The following TBK1 variants were observed in gnomAD, a reference collection of about 807,000 sequenced individuals.
TBK1 encodes TANK binding kinase 1, also known as serine/threonine-protein kinase TBK1.
TBK1 carries 37 observed loss-of-function variants against 99.9 expected under a neutral mutation model. That is an observed-to-expected ratio of 0.37 (90% CI 0.28 to 0.49). TBK1 has a LOEUF of 0.49. TBK1 is among the 20% of genes least tolerant of loss of function. The pLI, the probability that TBK1 is intolerant of heterozygous loss-of-function variation, is 0.98. For synonymous variants in TBK1, 258 were observed against 279.8 expected, an observed-to-expected ratio of 0.92 and a Z score of 0.78; for missense variants, 644 against 872.5, an observed-to-expected ratio of 0.74 and a Z score of 3.30.
chr12:64,459,539 A>G (rs944272910), intron 2 of TBK1, among the ~76,000 whole-genome samples: 4 of 152,130 alleles, frequency 2.6e-5, no homozygotes, highest in African/African-American at 4.8e-5. Flanking sequence ...TCCTCTAGAG[A>G]GGGTCTGTGA....
At position 64,474,215 on chromosome 12, in the gene TBK1, T is replaced by C; in HGVS notation, c.541-15T>C. ...TCACAGGTTCATGATTTTTTTCTTT[T>C]TTTTTTAATCTTAGCACCCTGATAT... On this transcript the variant is annotated splice_polypyrimidine_tract_variant and intron_variant, in intron 5 of 20. Coordinates refer to ENST00000331710, the MANE Select transcript of TBK1 (RefSeq NM_013254.4). 6.3e-7 allele frequency: 1 copy of C among 1,592,824 alleles called. No homozygotes were observed. The highest frequency in any genetic ancestry group is 8.5e-7 in the Non-Finnish European group (1 of 1,172,626).
rs1212552137 is a variant in TBK1, at chr12:64,480,026, C to T, written c.716C>T (p.Thr239Ile). 1.9e-6 allele frequency: 3 copies of T among 1,611,194 alleles called. No individual in the cohort carries two copies. Among genetic ancestry groups the T allele is most frequent in the Non-Finnish European group, 1.7e-6 (2 of 1,178,326 alleles). The change falls in exon 7 of 21, where the codon ACA becomes ATA. Residue 239 changes from threonine (T) to isoleucine (I), a missense_variant. Physicochemically the swap from Thr to Ile is moderately conservative, Grantham distance 89 (BLOSUM62 -1). Coordinates refer to ENST00000331710, the MANE Select transcript of TBK1 (RefSeq NM_013254.4). Reference protein sequence around the residue: ...RNKEVMYKIITGKPSGAISGV... With the variant: ...RNKEVMYKIIIGKPSGAISGV... ...TTCCTCCCAAGGTATAAAATAATTACAGGAAAGCCTTCTGGTGCAATATCT... is the reference window on the plus strand; with the variant it reads ...TTCCTCCCAAGGTATAAAATAATTATAGGAAAGCCTTCTGGTGCAATATCT...
At chr12:64,453,367 G>A (rs1001629270) in intron 1 of TBK1, among the ~76,000 whole-genome samples, 1 of 152,216 alleles carries the variant, frequency 6.6e-6, no homozygotes, top group Admixed American at 6.5e-5. Flanking sequence ...ATTGATTAGG[G>A]AAGGTTTTTC....
chr12:64,464,835 T>TA (rs1215126023), intron 4 of TBK1, among the ~76,000 whole-genome samples: 17 of 151,772 alleles, frequency 1.1e-4, no homozygotes, highest in East Asian at 7.7e-4. Context: ...AACAAGTACA[T>TA]AAAAAAAAGC....
intron 2 of TBK1, among the ~76,000 whole-genome samples, chr12:64,459,945 A>G (rs1313463155): frequency 2.0e-5 from 3 of 152,176 alleles, no homozygotes; most frequent in South Asian, 2.1e-4. Flanking sequence ...AGGTTTATTT[A>G]TAATATGAAA....
intron 3 of TBK1, among the ~76,000 whole-genome samples, chr12:64,463,591 T>G (rs565451275): frequency 6.6e-6 from 1 of 150,848 alleles, no homozygotes; most frequent in South Asian, 2.1e-4. Flanking sequence ...TCCCAGCTAC[T>G]TGGGAGCTGA....
At chr12:64,460,153 A>G (rs1425170538) in intron 2 of TBK1, 36 bp from the exon 3 acceptor site, 1 of 1,357,948 alleles carries the variant, frequency 7.4e-7, no homozygotes, top group Non-Finnish European at 9.9e-7. Flanking sequence ...TTACAATATT[A>G]TGAATAAATA....
chr12:64,501,414 T>C lies in TBK1; in HGVS notation c.*33T>C, dbSNP rs757322300. On this transcript the variant is annotated 3_prime_UTR_variant, in exon 21 of 21. Coordinates refer to ENST00000331710, the MANE Select transcript of TBK1 (RefSeq NM_013254.4). ...ATAGAAGTTTAAGAAAAGTTTCCGT[T>C]TGCACAAGAAAATAACGCTTGGGCA... 7 of 1,608,884 alleles carry C rather than the reference T, an allele frequency of 4.4e-6. No individual in the cohort carries two copies. The South Asian group carries it at 7.8e-5, about 18-fold the overall frequency.
chr12:64,471,864 G>A (rs141229054), intron 5 of TBK1, among the ~76,000 whole-genome samples: 4 of 152,184 alleles, frequency 2.6e-5, no homozygotes, highest in Admixed American at 1.3e-4. Context: ...CCAGGGAATA[G>A]CTTCCAGCTG....
chr12:64,455,111 C>T (rs1470537737), intron 1 of TBK1, among the ~76,000 whole-genome samples: 1 of 151,446 alleles, frequency 6.6e-6, no homozygotes, highest in Non-Finnish European at 1.5e-5. Flanking sequence ...TGCAGCCTCC[C>T]GAGTAGCTGG....
At chr12:64,463,175 T>C (rs929980485) in intron 3 of TBK1, among the ~76,000 whole-genome samples, 6 of 151,720 alleles carry the variant, frequency 4.0e-5, no homozygotes, top group African/African-American at 1.5e-4. Context: ...ATCGAGACCA[T>C]CCTGGCTAAC....
chr12:64,484,050 G>C (rs374658532), intron 8 of TBK1: 12 of 229,398 alleles, frequency 5.2e-5, no homozygotes, highest in East Asian at 1.9e-4. Context: ...CACACACACA[G>C]AGGAAAGAAA....
intron 12 of TBK1, 134 bp downstream of exon 12, chr12:64,488,722 G>A (rs556802732): frequency 3.9e-5 from 26 of 664,910 alleles, no homozygotes; most frequent in Non-Finnish European, 5.8e-5. Context: ...GGCCTGGCAC[G>A]GTGGCTCATG....
intron 5 of TBK1, among the ~76,000 whole-genome samples, chr12:64,472,163 G>T (rs1442072867): frequency 6.6e-6 from 1 of 151,450 alleles, no homozygotes; most frequent in Non-Finnish European, 1.5e-5. Context: ...GGACACTCAC[G>T]TCAATACCCA....
chr12:64,496,851 T>G, intron 16 of TBK1, 98 bp from the exon 17 acceptor site: 1 of 764,948 alleles, frequency 1.3e-6, no homozygotes, highest in Non-Finnish European at 2.1e-6. Context: ...ACAACAATCA[T>G]TATAGGAAAG....
intron 3 of TBK1, among the ~76,000 whole-genome samples, chr12:64,463,702 A>AG (rs2040573138): frequency 6.6e-6 from 1 of 150,940 alleles, no homozygotes; most frequent in African/African-American, 2.4e-5. Flanking sequence ...CTGTCTCAAA[A>AG]AAAAAAAAAA....
Position 64,467,026 on chromosome 12 carries a change from A to G in TBK1, c.484A>G (p.Arg162Gly), listed in dbSNP as rs757790168. 1 of 1,611,798 alleles carries G rather than the reference A, an allele frequency of 6.2e-7. No individual in the cohort carries two copies. Among genetic ancestry groups the G allele is most frequent in the Non-Finnish European group, 8.5e-7 (1 of 1,178,896 alleles). The change falls in exon 5 of 21, where the codon AGA becomes GGA. Residue 162 changes from arginine (R) to glycine (G), a missense_variant. Arg to Gly is a moderately radical substitution (Grantham distance 125). Around this residue, in one of 3 missense-constraint regions of TBK1, gnomAD observed 148 missense variants for 202.1 expected, o/e 0.73. Transcript: ENST00000331710. ...VYKLTDFGAA[R>G]ELEDDEQFVS... ...CAAACTCACAGATTTTGGTGCAGCT[A>G]GAGAATTAGAAGATGATGAGCAGTT...
chr12:64,478,834 CATAG>C (rs1370423507), intron 6 of TBK1, among the ~76,000 whole-genome samples: 12 of 152,098 alleles, frequency 7.9e-5, no homozygotes, highest in Non-Finnish European at 1.5e-4. Context: ...CTTTTTTCAT[CATAG>C]ATAGTATCAG....
intron 1 of TBK1, 110 bp downstream of exon 1, chr12:64,452,297 C>G (rs1283677161): frequency 6.6e-6 from 1 of 152,534 alleles, no homozygotes; most frequent in African/African-American, 2.4e-5. Flanking sequence ...GGCTGGGATG[C>G]TGAGTCAGAG....
Sources: gnomAD v4.1 joint callset for allele counts (sites outside exome capture counted in the v4.1 genomes callset) on GRCh38, gnomAD v4.1.1 for gene constraint, gnomAD v4.1.1 regional missense constraint, MANE v1.5 for transcripts, NCBI Gene and HGNC (gene_info 2026-07-23, HGNC 2026-07-21) for gene names.